Variants in CA10 observed in about 807,000 individuals in gnomAD.
CA10 encodes carbonic anhydrase-related protein 10.
CA10 carries 14 observed loss-of-function variants against 44.2 expected under a neutral mutation model. The observed-to-expected ratio is 0.32, with a 90% CI of 0.21 to 0.50. The LOEUF (loss-of-function observed/expected upper bound fraction) is 0.50, where lower values mean the gene tolerates loss of function less well. CA10 is among the 20% of genes least tolerant of loss of function. CA10 has a pLI of 0.99. For missense variants in CA10, 350 were observed against 409.7 expected (o/e 0.85, Z 1.26); for synonymous variants, 159 against 141.6 (o/e 1.12, Z -0.87).
Position 51,930,982 on chromosome 17 carries a change from T to C in CA10, c.279+8A>G. On this transcript the variant is annotated splice_region_variant and intron_variant, in intron 3 of 8. Transcript: ENST00000451037. ...CAACTTTACCATGGAAGCAATATGG[T>C]GGCTTACCTTCCTGCCCCCCGTGTT... 6.2e-7 allele frequency: 1 copy of C among 1,612,756 alleles called. No individual in the cohort carries two copies. Among genetic ancestry groups the C allele is most frequent in the Non-Finnish European group, 8.5e-7 (1 of 1,179,332 alleles).
intron 4 of CA10, among the ~76,000 whole-genome samples, chr17:51,692,896 TC>T (rs1439265074): frequency 1.3e-5 from 2 of 152,200 alleles, no homozygotes; most frequent in Non-Finnish European, 2.9e-5. Flanking sequence ...GTTTTGGCTG[TC>T]CACGACCAGC....
chr17:51,924,513 T>A (rs981954313), intron 3 of CA10, among the ~76,000 whole-genome samples: 3 of 152,192 alleles, frequency 2.0e-5, no homozygotes, highest in Admixed American at 6.5e-5. Flanking sequence ...TTGTGTTGGA[T>A]GTCTTCCGAT....
rs147423805 is a variant in CA10, at chr17:51,982,777, T to C, written c.137-51645A>G. Among the ~76,000 whole-genome samples the C allele has an allele frequency of 1.2e-3, 181 of 152,042 alleles. 5 individuals carry two copies. In the South Asian group the frequency reaches 0.022, roughly 18 times the overall value. ...TTAAATATATTTGCTCATGTCTCTTTTTTACAGGACTAGGAGCTCATTGAG... is the reference window on the plus strand; with the variant it reads ...TTAAATATATTTGCTCATGTCTCTTCTTTACAGGACTAGGAGCTCATTGAG... On this transcript the variant is annotated intron_variant, in intron 2 of 8. Coordinates refer to ENST00000451037, the MANE Select transcript of CA10 (RefSeq NM_020178.5).
intron 3 of CA10, chr17:51,748,459 C>A (rs1488863979): frequency 9.1e-6 from 9 of 985,042 alleles, no homozygotes; most frequent in Non-Finnish European, 9.6e-6. Flanking sequence ...GCTCCAGCCC[C>A]TTCAAACTGC....
At chr17:51,694,352 C>A (rs757430893) in intron 4 of CA10, among the ~76,000 whole-genome samples, 3 of 152,108 alleles carry the variant, frequency 2.0e-5, no homozygotes, top group Non-Finnish European at 2.9e-5. Flanking sequence ...GCCATTCTGA[C>A]TTGTGTGAGA....
chr17:51,744,707 G>A (rs1011533687), intron 4 of CA10, among the ~76,000 whole-genome samples: 15 of 152,090 alleles, frequency 9.9e-5, no homozygotes, highest in Admixed American at 6.6e-4. Context: ...CGTTTTCATC[G>A]TTAGAACACA....
At chr17:51,696,102 T>C (rs1367058280) in intron 4 of CA10, among the ~76,000 whole-genome samples, 2 of 152,202 alleles carry the variant, frequency 1.3e-5, no homozygotes, top group East Asian at 3.8e-4. Context: ...TCTATGTTCA[T>C]CAGGGATATT....
intron 3 of CA10, among the ~76,000 whole-genome samples, chr17:51,852,220 T>G (rs1978826690): frequency 6.6e-6 from 1 of 152,146 alleles, no homozygotes; most frequent in East Asian, 1.9e-4. Flanking sequence ...TCAGGGTGGA[T>G]GGACACTCAG....
chr17:51,820,776 C>T (rs115121919), intron 3 of CA10, among the ~76,000 whole-genome samples: 2,786 of 151,968 alleles, frequency 0.018, 91 homozygotes, highest in African/African-American at 0.054. Flanking sequence ...ATTTAGAGCA[C>T]GTCCCAGAAT....
At chr17:52,064,901 T>A (rs1044861672) in intron 2 of CA10, among the ~76,000 whole-genome samples, 12 of 152,228 alleles carry the variant, frequency 7.9e-5, no homozygotes, top group Non-Finnish European at 1.2e-4. Context: ...GGTGATCTAA[T>A]TCCTCAGAAA....
intron 1 of CA10, among the ~76,000 whole-genome samples, chr17:52,083,741 T>C (rs1378723406): frequency 6.6e-6 from 1 of 152,222 alleles, no homozygotes; most frequent in Non-Finnish European, 1.5e-5. Context: ...AAAGATGTGA[T>C]TTCATTCTTT....
chr17:51,669,772 G>C (rs576621959), intron 4 of CA10, among the ~76,000 whole-genome samples: 1 of 152,266 alleles, frequency 6.6e-6, no homozygotes, highest in East Asian at 1.9e-4. Context: ...CCCCATCTTT[G>C]AAAACTGTAA....
intron 4 of CA10, among the ~76,000 whole-genome samples, chr17:51,725,391 G>A (rs1227378551): frequency 6.6e-6 from 1 of 152,212 alleles, no homozygotes; most frequent in East Asian, 1.9e-4. Context: ...TTCACTAAAT[G>A]TCAAGGTTAC....
chr17:52,087,510 A>G (rs1988149681), intron 1 of CA10, among the ~76,000 whole-genome samples: 1 of 152,218 alleles, frequency 6.6e-6, no homozygotes, highest in South Asian at 2.1e-4. Context: ...GAGAAATTAA[A>G]GGTTCAGTGG....
intron 3 of CA10, among the ~76,000 whole-genome samples, chr17:51,870,390 G>A (rs1033500860): frequency 3.3e-5 from 5 of 152,184 alleles, no homozygotes; most frequent in African/African-American, 2.4e-5. Flanking sequence ...AATGATTTGT[G>A]TAAGCTAATG....
chr17:52,114,921 TG>T (rs1988859689), intron 1 of CA10, among the ~76,000 whole-genome samples: 1 of 152,200 alleles, frequency 6.6e-6, no homozygotes, highest in Non-Finnish European at 1.5e-5. Context: ...CTCCATCCAC[TG>T]GGGCCCCCTA....
intron 2 of CA10, among the ~76,000 whole-genome samples, chr17:52,036,951 T>A (rs976729252): frequency 1.3e-5 from 2 of 152,112 alleles, no homozygotes; most frequent in Non-Finnish European, 2.9e-5. Flanking sequence ...AATGAAGGAC[T>A]CTAGTCCCTG....
At chr17:52,138,107 C>T (rs1989399145) in intron 1 of CA10, among the ~76,000 whole-genome samples, 1 of 152,044 alleles carries the variant, frequency 6.6e-6, no homozygotes, top group Non-Finnish European at 1.5e-5. Context: ...TGTGTTCTTT[C>T]TTGAGGCTCC....
intron 2 of CA10, among the ~76,000 whole-genome samples, chr17:52,032,939 G>A (rs1986511302): frequency 6.6e-6 from 1 of 152,096 alleles, no homozygotes; most frequent in African/African-American, 2.4e-5. Flanking sequence ...TCCTAATTAG[G>A]ATCTAAATGT....
Sources: gnomAD v4.1 joint callset for allele counts (sites outside exome capture counted in the v4.1 genomes callset) on GRCh38, gnomAD v4.1.1 for gene constraint, MANE v1.5 for transcripts, NCBI Gene and HGNC (gene_info 2026-07-23, HGNC 2026-07-21) for gene names.